CEP44: variants seen among roughly 807,000 people sequenced by gnomAD.
The protein encoded by CEP44 is centrosomal protein 44.
A neutral mutation model predicts 46.7 loss-of-function variants in CEP44; 45 were observed. That is an observed-to-expected ratio of 0.96 (90% CI 0.76 to 1.24). The LOEUF is 1.24. Ranked by LOEUF, CEP44 falls within the 50% of genes most tolerant of loss-of-function variation. The pLI is 0.00. For synonymous variants in CEP44, 142 were observed against 146.0 expected, an observed-to-expected ratio of 0.97 and a Z score of 0.20; for missense variants, 475 against 459.7, an observed-to-expected ratio of 1.03 and a Z score of -0.30.
downstream of CEP44, among the ~76,000 whole-genome samples, chr4:174,321,677 A>T (rs988322945): frequency 7.2e-5 from 11 of 152,148 alleles, no homozygotes; most frequent in African/African-American, 2.7e-4. Context: ...GACTTTTCTG[A>T]AGATATGGAA....
In CEP44 at chr4:174,287,472, A is replaced by T. The variant is rs1737696010; in HGVS notation, c.-148+3529A>T. On this transcript the variant is annotated intron_variant, in intron 1 of 11. Coordinates refer to ENST00000503780, the MANE Select transcript of CEP44 (RefSeq NM_001040157.3). The surrounding 1 kb of genome is among the most constrained non-coding windows in gnomAD (Gnocchi z 5.1). ...GTTGCTCTGTATCTCTTCAAGCTTG[A>T]AGAAATGGCATGTGCAAAGGTGTTG... is the stretch of plus-strand genomic sequence containing the variant. Among the ~76,000 whole-genome samples the T allele has an allele frequency of 6.6e-6, 1 of 152,178 alleles. No homozygotes were observed. The highest frequency in any genetic ancestry group is 6.5e-5 in the Admixed American group (1 of 15,272).
chr4:174,294,329 AGCACATGTTTCAGAGAGCACAGG>A (rs1738592957), intron 1 of CEP44, among the ~76,000 whole-genome samples: 1 of 152,016 alleles, frequency 6.6e-6, no homozygotes, highest in Non-Finnish European at 1.5e-5. Context: ...GAGTGGACAC[AGCACATGTTTCAGAGAGCACAGG>A]GTTGGGGGTA....
upstream of CEP44, chr4:174,283,799 T>C (rs1344558739): frequency 2.5e-6 from 1 of 398,396 alleles, no homozygotes; most frequent in East Asian, 3.6e-5. This position sits in a 1 kb window ranked among gnomAD's most constrained non-coding sequence, Gnocchi z 6.7. Flanking sequence ...CAGAAAAACT[T>C]CTCAGCTGCA....
At chr4:174,304,567 A>G (rs146058632) in intron 6 of CEP44, among the ~76,000 whole-genome samples, 198 bp downstream of exon 6, 1 of 152,344 alleles carries the variant, frequency 6.6e-6, no homozygotes, top group East Asian at 1.9e-4. Flanking sequence ...ATAAAATTAA[A>G]TACGTGTTCT....
Position 174,317,984 on chromosome 4 carries a change from C to T in CEP44, c.*601C>T. On this transcript the variant is annotated 3_prime_UTR_variant, in exon 12 of 12. Coordinates refer to ENST00000503780, the MANE Select transcript of CEP44 (RefSeq NM_001040157.3). ...GGAAACAGGCTGGAGGACTATGGTC[C>T]TCAAGTTTAGACCAAGAGGACTATG... 1 of 985,112 alleles carries T rather than the reference C, an allele frequency of 1.0e-6. No homozygotes were observed. The highest frequency in any genetic ancestry group is 4.7e-5 in the South Asian group (1 of 21,272). 61.0% of individuals were successfully genotyped at this position (985,112 alleles called of 1,614,324 possible). A position where few individuals can be genotyped will look rare whatever the true frequency, so the allele number is the denominator to read the frequency against.
In CEP44 at chr4:174,308,730, T is replaced by C. The variant is rs373546998; in HGVS notation, c.549T>C (p.Asn183=). ...VVIRHLYNED[N]VDISEDTLSP... is the part of the protein sequence containing the mutation. Reference sequence around the variant, plus strand: ...TTCGTCACTTGTATAATGAAGATAATGTTGACATTTCTGAGGATACATTAA... The same window carrying C: ...TTCGTCACTTGTATAATGAAGATAACGTTGACATTTCTGAGGATACATTAA... Residue 183 remains asparagine, a synonymous_variant, in exon 7 of 12, where the codon AAT becomes AAC. Coordinates refer to ENST00000503780, the MANE Select transcript of CEP44 (RefSeq NM_001040157.3). 2.8e-5 allele frequency: 45 copies of C among 1,612,604 alleles called. No homozygotes were observed. The highest frequency in any genetic ancestry group is 3.8e-5 in the Non-Finnish European group (45 of 1,179,000).
chr4:174,298,179 T>TTC (rs1167363765), intron 2 of CEP44, 117 bp downstream of exon 2: 2 of 138,780 alleles, frequency 1.4e-5, no homozygotes, highest in Non-Finnish European at 3.1e-5. Context: ...GATTTTTTTT[T>TTC]TTTTTTTTTT....
chr4:174,331,748 C>T lies in CEP44; in HGVS notation c.*153C>T. 1 of 973,544 alleles carries T rather than the reference C, an allele frequency of 1.0e-6. No homozygotes were observed. The highest frequency in any genetic ancestry group is 1.4e-6 in the Non-Finnish European group (1 of 701,890). 60.3% of individuals were successfully genotyped at this position (973,544 alleles called of 1,614,324 possible). A position where few individuals can be genotyped will look rare whatever the true frequency, so the allele number is the denominator to read the frequency against. On this transcript the variant is annotated 3_prime_UTR_variant, in exon 9 of 9. Transcript: ENST00000426172. The surrounding 1 kb of genome is among the most constrained non-coding windows in gnomAD (Gnocchi z 4.5). ...GCATATCAAAACTGATGACTTTTTC[C>T]TTCCTGCTACATGGGTAACACTTAG... is the stretch of plus-strand genomic sequence containing the variant.
At chr4:174,325,089 G>A (rs186743086), downstream of CEP44, among the ~76,000 whole-genome samples, 111 of 152,266 alleles carry the variant, frequency 7.3e-4, no homozygotes, top group African/African-American at 2.3e-3. The surrounding 1 kb of genome is among the most constrained non-coding windows in gnomAD (Gnocchi z 4.4). Flanking sequence ...GTCTCTCATC[G>A]TAGTTTTAGC....
rs915412315 is a variant in CEP44 at position 174,301,318 on chromosome 4, C to T, written c.90-721C>T. Among the ~76,000 whole-genome samples, 1 of 152,082 alleles carries T rather than the reference C, an allele frequency of 6.6e-6. No homozygotes were observed. Among genetic ancestry groups the T allele is most frequent in the Non-Finnish European group, 1.5e-5 (1 of 67,978 alleles). ...TGAGAAAATAAGACAGGAAACACTA[C>T]CAGACAGATAAAGACACAGCAGATA... On this transcript the variant is annotated intron_variant, in intron 3 of 11. Transcript: ENST00000503780. This position sits in a 1 kb window ranked among gnomAD's most constrained non-coding sequence, Gnocchi z 4.3.
rs79616902 is a variant in CEP44, at chr4:174,309,441, T to G, written c.679-409T>G. Among the ~76,000 whole-genome samples the G allele has an allele frequency of 2.5e-3, 377 of 152,132 alleles. No individual in the cohort carries two copies. Among genetic ancestry groups the G allele is most frequent in the African/African-American group, 8.8e-3 (364 of 41,538 alleles). On this transcript the variant is annotated intron_variant, in intron 7 of 11. Transcript: ENST00000503780. This position sits in a 1 kb window ranked among gnomAD's most constrained non-coding sequence, Gnocchi z 5.3. Reference sequence around the variant, plus strand: ...ACTACCAGATGGCCATTGGACCTACTTCCTGTTATATGGCAAACCGAACAA... The same window carrying G: ...ACTACCAGATGGCCATTGGACCTACGTCCTGTTATATGGCAAACCGAACAA...
chr4:174,284,349 A>T (rs1416944945), intron 1 of CEP44: 1 of 298,118 alleles, frequency 3.4e-6, no homozygotes, highest in Non-Finnish European at 6.1e-6. Context: ...GTGGTAGCTC[A>T]TCCTATCAGA....
At chr4:174,308,974 ATT>A in intron 7 of CEP44, 115 bp downstream of exon 7, 1 of 892,696 alleles carries the variant, frequency 1.1e-6, no homozygotes, top group Admixed American at 2.6e-5. Flanking sequence ...TAATCATGAC[ATT>A]TTATCTATGT....
chr4:174,304,315 AT>A lies in CEP44; in HGVS notation c.454del (p.Ser152LeufsTer14). ...SEPPLGNEKI[S>X]AEAVGVDISG... ...AACCTCCTTTGGGCAATGAGAAAAT[AT>A]CTGCAGAGGCTGTTGGCGTTGATAT... On this transcript the variant is annotated frameshift_variant, in exon 6 of 12. Coordinates refer to ENST00000503780, the MANE Select transcript of CEP44 (RefSeq NM_001040157.3). LOFTEE classifies it high-confidence loss of function. 1.2e-6 allele frequency: 2 copies of A among 1,612,078 alleles called. No individual in the cohort carries two copies. Among genetic ancestry groups the A allele is most frequent in the Non-Finnish European group, 1.7e-6 (2 of 1,179,466 alleles).
chr4:174,315,249 C>CT (rs1741531503), intron 9 of CEP44, among the ~76,000 whole-genome samples: 1 of 146,298 alleles, frequency 6.8e-6, no homozygotes, highest in Non-Finnish European at 1.5e-5. Flanking sequence ...TTTTTTTTTG[C>CT]ATTGCTTTTG....
Position 174,287,290 on chromosome 4 carries a change from T to C in CEP44, c.-148+3347T>C, listed in dbSNP as rs1737676517. The stretch of plus-strand genomic sequence containing the variant: ...ACCCTTGGCACAGATTTTGGTTCTT[T>C]ATTATGATAAGTACCAAGAAGGAAA... On this transcript the variant is annotated intron_variant, in intron 1 of 11. Transcript: ENST00000503780. The surrounding 1 kb of genome is among the most constrained non-coding windows in gnomAD (Gnocchi z 5.1). 6.6e-6 allele frequency among the ~76,000 whole-genome samples: 1 copy of C among 152,186 alleles called. No individual in the cohort carries two copies.
At position 174,288,510 on chromosome 4, in the gene CEP44, T is replaced by C. The variant is rs1264655180; in HGVS notation, c.-148+4567T>C. On this transcript the variant is annotated intron_variant, in intron 1 of 11. Transcript: ENST00000503780. The surrounding 1 kb of genome is among the most constrained non-coding windows in gnomAD (Gnocchi z 4.6). ...TTGACTATTTTAGATTTCACATACA[T>C]TGAGATAATACAGTATTTGTCTTTT... Among the ~76,000 whole-genome samples, 2 of 152,290 alleles carry C rather than the reference T, an allele frequency of 1.3e-5. No homozygotes were observed. Among genetic ancestry groups the C allele is most frequent in the African/African-American group, 4.8e-5 (2 of 41,574 alleles).
rs563204566 is a variant in CEP44 at position 174,288,206 on chromosome 4, T to C, written c.-148+4263T>C. ...GAGATAAGTAGATATTGTGAAACCA[T>C]CCAACCATTATTACTACAAGAAATC... On this transcript the variant is annotated intron_variant, in intron 1 of 11. Coordinates refer to ENST00000503780, the MANE Select transcript of CEP44 (RefSeq NM_001040157.3). This position sits in a 1 kb window ranked among gnomAD's most constrained non-coding sequence, Gnocchi z 4.6. 8.7e-4 allele frequency among the ~76,000 whole-genome samples: 133 copies of C among 152,314 alleles called. No individual in the cohort carries two copies. The highest frequency in any genetic ancestry group is 3.0e-3 in the African/African-American group (126 of 41,574).
In CEP44 at chr4:174,309,986, A is replaced by G; in HGVS notation, c.815A>G (p.Asp272Gly). ...EQKMKGKVMV[D>G]ENTWTNLLSR... ...AAAATGAAAGGAAAAGTGATGGTAG[A>G]TGAAAACACCTGGACTAATCTTCTT... Residue 272 changes from aspartate (D) to glycine (G), a missense_variant, in exon 8 of 12, where the codon GAT (aspartate) becomes GGT (glycine). Asp to Gly is a moderately conservative substitution (Grantham distance 94). Transcript: ENST00000503780. The surrounding 1 kb of genome is among the most constrained non-coding windows in gnomAD (Gnocchi z 5.3). 1 of 1,612,878 alleles carries G rather than the reference A, an allele frequency of 6.2e-7. No individual in the cohort carries two copies. Among genetic ancestry groups the G allele is most frequent in the Non-Finnish European group, 8.5e-7 (1 of 1,179,230 alleles).
Sources: allele counts gnomAD v4.1 joint callset (sites outside exome capture counted in the v4.1 genomes callset), GRCh38; gene constraint gnomAD v4.1.1; non-coding constraint Gnocchi (gnomAD v3.1); transcripts MANE v1.5; gene names NCBI Gene and HGNC (gene_info 2026-07-23, HGNC 2026-07-21).